Variants in MATCAP2 observed in about 807,000 individuals in gnomAD.
MATCAP2 encodes putative tyrosine carboxypeptidase MATCAP2.
the MATCAP2 span, among the ~76,000 whole-genome samples, chr7:36,384,951 T>C: frequency 6.6e-6 from 1 of 151,998 alleles, no homozygotes; most frequent in African/African-American, 2.4e-5. Flanking sequence ...TGCATGGCCT[T>C]GTAGGTATGA....
chr7:36,382,978 C>G, the MATCAP2 span, among the ~76,000 whole-genome samples: 3 of 152,064 alleles, frequency 2.0e-5, no homozygotes, highest in Non-Finnish European at 4.4e-5. Flanking sequence ...AAGTTGTATG[C>G]ATTTTGAGAT....
the MATCAP2 span, chr7:36,367,131 G>A: frequency 8.2e-7 from 1 of 1,225,344 alleles, no homozygotes; most frequent in Non-Finnish European, 1.0e-6. Flanking sequence ...TGTGAGCAGC[G>A]CTTCCACCAG....
the MATCAP2 span, among the ~76,000 whole-genome samples, chr7:36,358,640 T>G: frequency 6.6e-6 from 1 of 152,240 alleles, no homozygotes; most frequent in South Asian, 2.1e-4. Context: ...CTGTTGTGCA[T>G]TCACTACTTT....
chr7:36,357,157 G>A, the MATCAP2 span: 2 of 1,614,054 alleles, frequency 1.2e-6, no homozygotes, highest in African/African-American at 2.7e-5. Context: ...ACTTGACCTT[G>A]CTTTTGGGTT....
chr7:36,371,424 C>G, the MATCAP2 span, among the ~76,000 whole-genome samples: 1 of 152,202 alleles, frequency 6.6e-6, no homozygotes, highest in East Asian at 1.9e-4. Flanking sequence ...TTGTCAGTAA[C>G]TTGTTTAACT....
At chr7:36,351,937 T>G in the MATCAP2 span, among the ~76,000 whole-genome samples, 2 of 63,968 alleles carry the variant, frequency 3.1e-5, no homozygotes, top group Non-Finnish European at 6.4e-5. Context: ...CAAAGGGAGA[T>G]TGTTAAAAAA....
chr7:36,331,414 G>A, the MATCAP2 span, among the ~76,000 whole-genome samples: 3 of 152,064 alleles, frequency 2.0e-5, no homozygotes, highest in African/African-American at 4.8e-5. Flanking sequence ...TACTCCCACC[G>A]TTCAGTCATA....
At chr7:36,330,032 CTG>C in the MATCAP2 span, among the ~76,000 whole-genome samples, 1 of 148,864 alleles carries the variant, frequency 6.7e-6, no homozygotes, top group Middle Eastern at 3.4e-3. Context: ...CTCAAGAAAA[CTG>C]TGCCGATCTT....
the MATCAP2 span, among the ~76,000 whole-genome samples, chr7:36,371,170 A>C: frequency 1.3e-5 from 2 of 152,100 alleles, no homozygotes; most frequent in African/African-American, 4.8e-5. Flanking sequence ...CAATGGCATG[A>C]TCATGGTTCA....
chr7:36,354,362 C>T, the MATCAP2 span, among the ~76,000 whole-genome samples: 2 of 152,214 alleles, frequency 1.3e-5, no homozygotes, highest in African/African-American at 2.4e-5. Flanking sequence ...CTTATCTGTG[C>T]GCGAAAGTCT....
chr7:36,389,937 T>A, the MATCAP2 span: 6 of 1,610,576 alleles, frequency 3.7e-6, no homozygotes, highest in Non-Finnish European at 5.1e-6. Flanking sequence ...TCCTGGTTTT[T>A]TCCAGGAGAC....
chr7:36,342,772 A>G, the MATCAP2 span, among the ~76,000 whole-genome samples: 1 of 152,112 alleles, frequency 6.6e-6, no homozygotes, highest in Non-Finnish European at 1.5e-5. Flanking sequence ...CTGCAGGCGC[A>G]TGCTGCCACG....
chr7:36,335,579 C>A, the MATCAP2 span, among the ~76,000 whole-genome samples: 1 of 152,162 alleles, frequency 6.6e-6, no homozygotes, highest in Non-Finnish European at 1.5e-5. Flanking sequence ...GCTTCTCGGG[C>A]AAATCTCTTC....
chr7:36,366,291 T>C, the MATCAP2 span, among the ~76,000 whole-genome samples: 1 of 152,182 alleles, frequency 6.6e-6, no homozygotes, highest in African/African-American at 2.4e-5. Context: ...CGCATAGCGA[T>C]TTACAAATAA....
chr7:36,333,276 G>A, the MATCAP2 span, among the ~76,000 whole-genome samples: 2 of 152,158 alleles, frequency 1.3e-5, no homozygotes, highest in Admixed American at 6.5e-5. Flanking sequence ...TCACATATTA[G>A]ATAATTCTAT....
At chr7:36,381,670 CA>C in the MATCAP2 span, among the ~76,000 whole-genome samples, 11,765 of 76,302 alleles carry the variant, frequency 0.15, 494 homozygotes, top group East Asian at 0.25. Context: ...GACTCCATCT[CA>C]AAAAAAAAAA....
chr7:36,356,981 G>A, the MATCAP2 span: 1 of 1,614,184 alleles, frequency 6.2e-7, no homozygotes, highest in Non-Finnish European at 8.5e-7. Context: ...CTCAAACTGA[G>A]GATTGTAGGT....
At chr7:36,382,019 G>A in the MATCAP2 span, among the ~76,000 whole-genome samples, 25 of 152,124 alleles carry the variant, frequency 1.6e-4, no homozygotes, top group African/African-American at 5.8e-4. Flanking sequence ...GTGGCTGGGC[G>A]CTTTGGCTTA....
the MATCAP2 span, chr7:36,325,825 T>C: frequency 6.6e-6 from 1 of 152,098 alleles, no homozygotes; most frequent in Non-Finnish European, 1.5e-5. Context: ...GCTGGCTTTA[T>C]AAACCATCAA....
Sources: gnomAD v4.1 joint callset for allele counts (sites outside exome capture counted in the v4.1 genomes callset) on GRCh38, gnomAD v4.1.1 for gene constraint, MANE v1.5 for transcripts, NCBI Gene and HGNC (gene_info 2026-07-23, HGNC 2026-07-21) for gene names.